Variants in ATG10 observed in about 807,000 individuals in gnomAD.
ATG10 encodes the protein autophagy related 10.
In ATG10, 30 loss-of-function variants were observed where a neutral mutation model predicts 32.1. That is an observed-to-expected ratio of 0.94 (90% confidence interval 0.70 to 1.27). The LOEUF (loss-of-function observed/expected upper bound fraction) is 1.27. ATG10 is among the 50% of genes most tolerant of loss of function. The probability of loss-of-function intolerance (pLI) is 0.00; values close to 1 mark genes in which losing one functional copy is unlikely to be tolerated. For missense variants in ATG10, 233 were observed against 262.3 expected (o/e 0.89, Z 0.77); for synonymous variants, 87 against 91.5 (o/e 0.95, Z 0.28).
intron 5 of ATG10, among the ~76,000 whole-genome samples, chr5:82,224,496 G>A (rs1246208492): frequency 6.6e-6 from 1 of 152,132 alleles, no homozygotes; most frequent in African/African-American, 2.4e-5. Context: ...TTTGAGCAAG[G>A]GAGTGGCATA....
At chr5:82,197,772 A>G (rs1050500611) in intron 5 of ATG10, among the ~76,000 whole-genome samples, 4 of 144,458 alleles carry the variant, frequency 2.8e-5, no homozygotes, top group African/African-American at 5.2e-5. Flanking sequence ...CTATCTATCT[A>G]TCTCTATAGA....
chr5:82,050,839 C>CAAAAAA (rs71000881), intron 2 of ATG10, among the ~76,000 whole-genome samples: 1 of 36,294 alleles, frequency 2.8e-5, no homozygotes, highest in African/African-American at 1.2e-4. Context: ...CCATCTCTAC[C>CAAAAAA]AAAAAAAAAA....
intron 1 of ATG10, among the ~76,000 whole-genome samples, chr5:81,987,330 G>A (rs973012902): frequency 3.3e-5 from 5 of 152,084 alleles, no homozygotes; most frequent in African/African-American, 7.2e-5. Context: ...TTGCTGTGTT[G>A]ACCAGGCTGG....
chr5:81,979,364 A>G (rs1294909377), intron 1 of ATG10, among the ~76,000 whole-genome samples: 1 of 152,014 alleles, frequency 6.6e-6, no homozygotes, highest in Non-Finnish European at 1.5e-5. Flanking sequence ...TGTCTCTACT[A>G]AAAAATACAA....
chr5:82,101,563 G>C (rs1217831910), intron 3 of ATG10, among the ~76,000 whole-genome samples: 2 of 152,144 alleles, frequency 1.3e-5, no homozygotes, highest in African/African-American at 4.8e-5. Flanking sequence ...GCTTGGTATA[G>C]CATGTCTAAA....
intron 3 of ATG10, among the ~76,000 whole-genome samples, chr5:82,160,895 T>C (rs1743303772): frequency 6.6e-6 from 1 of 152,168 alleles, no homozygotes; most frequent in Non-Finnish European, 1.5e-5. Flanking sequence ...TGAAGTTTGT[T>C]ATAACATACT....
chr5:81,987,202 A>C (rs1420446604), intron 1 of ATG10, among the ~76,000 whole-genome samples: 1 of 152,206 alleles, frequency 6.6e-6, no homozygotes, highest in Admixed American at 6.5e-5. Flanking sequence ...AGCTAACTGC[A>C]GTCTTGAACT....
At chr5:82,180,799 C>T (rs754750349) in intron 5 of ATG10, among the ~76,000 whole-genome samples, 4 of 152,262 alleles carry the variant, frequency 2.6e-5, no homozygotes, top group East Asian at 3.9e-4. Context: ...CTGCCTCTAG[C>T]AGATAATTAA....
intron 5 of ATG10, chr5:82,242,801 TCAC>T (rs919758955): frequency 4.4e-6 from 2 of 449,640 alleles, no homozygotes; most frequent in African/African-American, 2.0e-5. Context: ...CTACAGATCT[TCAC>T]CAAGAGGTGT....
At chr5:82,186,532 A>G (rs1744448145) in intron 5 of ATG10, among the ~76,000 whole-genome samples, 1 of 151,246 alleles carries the variant, frequency 6.6e-6, no homozygotes, top group African/African-American at 2.4e-5. Context: ...TGTGACTTTT[A>G]ATGTTTATTA....
chr5:82,091,814 G>C (rs1764896456), intron 3 of ATG10, among the ~76,000 whole-genome samples: 1 of 152,152 alleles, frequency 6.6e-6, no homozygotes, highest in Admixed American at 6.5e-5. Flanking sequence ...GATAAATGCT[G>C]ACTTAAGGTC....
chr5:82,135,436 C>T (rs1259045065), intron 3 of ATG10, among the ~76,000 whole-genome samples: 2 of 152,166 alleles, frequency 1.3e-5, no homozygotes, highest in Non-Finnish European at 2.9e-5. Flanking sequence ...TCTTTGTTCT[C>T]ATTGGTTTCA....
At chr5:82,226,488 G>T (rs1393031231) in intron 5 of ATG10, among the ~76,000 whole-genome samples, 3 of 151,944 alleles carry the variant, frequency 2.0e-5, no homozygotes, top group African/African-American at 7.3e-5. Flanking sequence ...ATTACCAAAA[G>T]ATTATTTTGA....
chr5:82,058,649 A>G (rs749693793), intron 3 of ATG10, 47 bp downstream of exon 3: 3 of 1,315,514 alleles, frequency 2.3e-6, no homozygotes, highest in Non-Finnish European at 3.3e-6. Context: ...CGTAAAGTAT[A>G]CATTTAAAAA....
At chr5:82,093,969 T>C (rs1764970805) in intron 3 of ATG10, among the ~76,000 whole-genome samples, 1 of 152,084 alleles carries the variant, frequency 6.6e-6, no homozygotes, top group Non-Finnish European at 1.5e-5. Flanking sequence ...GTGTCAGATA[T>C]TGTTTCCTCT....
chr5:81,974,451 T>C (rs1466453193), intron 1 of ATG10, among the ~76,000 whole-genome samples: 3 of 152,190 alleles, frequency 2.0e-5, no homozygotes, highest in Non-Finnish European at 2.9e-5. Flanking sequence ...GGCTTAGTAA[T>C]AGGAGTGTAG....
chr5:82,197,459 TCTACCTACCTACCTAC>T (rs10592620), intron 5 of ATG10, among the ~76,000 whole-genome samples: 30 of 148,736 alleles, frequency 2.0e-4, no homozygotes, highest in East Asian at 1.0e-3. Flanking sequence ...TATCTGTCTA[TCTACCTACCTACCTAC>T]CTACCTACCT....
rs547917961 is a variant in ATG10 at position 82,103,126 on chromosome 5, C to G, written c.216+44524C>G. On this transcript the variant is annotated intron_variant, in intron 3 of 7. Coordinates refer to ENST00000282185, the MANE Select transcript of ATG10 (RefSeq NM_031482.5). ...CACTTTTTATTTCTAAAACTTTGCA[C>G]AAATAACTCATCTGGAGCTCAGGTT... 1.4e-4 allele frequency among the ~76,000 whole-genome samples: 21 copies of G among 152,192 alleles called. No individual in the cohort carries two copies. The East Asian group carries it at 2.7e-3, about 20-fold the overall frequency.
intron 1 of ATG10, among the ~76,000 whole-genome samples, chr5:81,983,306 C>T (rs1322543778): frequency 6.1e-5 from 9 of 148,104 alleles, no homozygotes; most frequent in East Asian, 2.0e-4. Flanking sequence ...ACCTCCTTCC[C>T]GGACGGGGCA....
Sources: allele counts gnomAD v4.1 joint callset (sites outside exome capture counted in the v4.1 genomes callset), GRCh38; gene constraint gnomAD v4.1.1; transcripts MANE v1.5; gene names NCBI Gene and HGNC (gene_info 2026-07-23, HGNC 2026-07-21).